Variants in SYT2 observed in about 807,000 individuals in gnomAD.
SYT2 encodes the protein synaptotagmin 2.
In SYT2, 15 loss-of-function variants were observed where a neutral mutation model predicts 39.9. The observed-to-expected ratio is 0.38, with a 90% CI of 0.25 to 0.58. The LOEUF (loss-of-function observed/expected upper bound fraction) is 0.58. Among genes scored for constraint, SYT2 ranks in the 20% least tolerant of loss-of-function variants. The pLI is 0.70. For missense variants in SYT2, 389 were observed against 530.3 expected, an observed-to-expected ratio of 0.73 and a Z score of 2.62; for synonymous variants, 181 against 204.5, an observed-to-expected ratio of 0.89 and a Z score of 0.98.
At chr1:202,655,059 A>T (rs1403415713) in intron 1 of SYT2, among the ~76,000 whole-genome samples, 1 of 152,168 alleles carries the variant, frequency 6.6e-6, no homozygotes, top group African/African-American at 2.4e-5. Flanking sequence ...ATAATTTCCT[A>T]GAGTCAGACC....
At chr1:202,682,203 G>C (rs1452136730) in intron 1 of SYT2, among the ~76,000 whole-genome samples, 1 of 152,204 alleles carries the variant, frequency 6.6e-6, no homozygotes, top group African/African-American at 2.4e-5. Context: ...GGCACACGGG[G>C]GTATTCAAGG....
At chr1:202,604,253 T>G (rs1287914474) in intron 3 of SYT2, 1 of 601,278 alleles carries the variant, frequency 1.7e-6, no homozygotes, top group Non-Finnish European at 3.0e-6. Context: ...GATGAGTTCA[T>G]GCTAACACAG....
At chr1:202,645,084 G>A (rs566653235) in intron 1 of SYT2, among the ~76,000 whole-genome samples, 5 of 152,322 alleles carry the variant, frequency 3.3e-5, no homozygotes, top group South Asian at 4.1e-4. Context: ...GTGGGCTGGG[G>A]GAGAGGACAC....
intron 1 of SYT2, among the ~76,000 whole-genome samples, chr1:202,654,695 T>C (rs765483825): frequency 6.6e-6 from 1 of 151,806 alleles, no homozygotes; most frequent in East Asian, 1.9e-4. Context: ...CACTATGGAG[T>C]GTGGGACGGT....
At chr1:202,676,187 C>T (rs1322375066) in intron 1 of SYT2, among the ~76,000 whole-genome samples, 1 of 152,186 alleles carries the variant, frequency 6.6e-6, no homozygotes, top group Non-Finnish European at 1.5e-5. Flanking sequence ...TCCCTTCCCC[C>T]CACCCAATTC....
At chr1:202,659,685 G>C (rs1425382645) in intron 1 of SYT2, among the ~76,000 whole-genome samples, 1 of 152,176 alleles carries the variant, frequency 6.6e-6, no homozygotes, top group African/African-American at 2.4e-5. Context: ...GACCTGGAGG[G>C]GCTGCGAGAG....
rs1371719401 is a variant in SYT2 at position 202,592,894 on chromosome 1, C to T, written c.*3863G>A. ...AATTATTTTTTAGTATATGTCCCAA[C>T]TATTTGCCTAGGACATATTTACACT... On this transcript the variant is annotated 3_prime_UTR_variant, in exon 9 of 9. Transcript: ENST00000367268. The T allele has an allele frequency of 6.6e-6, 1 of 152,212 alleles. No homozygotes were observed. Among genetic ancestry groups the T allele is most frequent in the Non-Finnish European group, 1.5e-5 (1 of 68,028 alleles). The allele number at this position is 152,212 out of a possible 1,614,324, so 9.4% of individuals were successfully genotyped here.
chr1:202,613,740 G>A (rs1369680408), intron 1 of SYT2, among the ~76,000 whole-genome samples: 4 of 152,094 alleles, frequency 2.6e-5, no homozygotes, highest in Non-Finnish European at 2.9e-5. Context: ...CCCCACAGCC[G>A]GTCCACGGTC....
rs1336728193 is a variant in SYT2, at chr1:202,705,721, C to A, written c.-18+4537G>T. On this transcript the variant is annotated intron_variant, in intron 1 of 8. Coordinates refer to ENST00000367268, the MANE Select transcript of SYT2 (RefSeq NM_177402.5). ...ACTGCTCATCTTGGATTTTGGGAGT[C>A]CTTTTTTTTTTTTTGAGACCGGATC... Among the ~76,000 whole-genome samples, 3 of 128,622 alleles carry A rather than the reference C, an allele frequency of 2.3e-5. 1 individual carries two copies. Among genetic ancestry groups the A allele is most frequent in the Non-Finnish European group, 5.1e-5 (3 of 58,528 alleles). 84.4% of individuals were successfully genotyped at this position (128,622 alleles called of 152,430 possible). A position where few individuals can be genotyped will look rare whatever the true frequency, so the allele number is the denominator to read the frequency against.
In SYT2 at chr1:202,601,972, T is replaced by C. The variant is rs774068990; in HGVS notation, c.719A>G (p.Glu240Gly). The part of the protein sequence containing the change: ...DRFSKHDIIG[E>G]VKVPMNTVDL... Reference sequence around the variant, plus strand: ...CACTGTGTTCATAGGCACCTTTACCTCTCCAATGATGTCATGTTTGGAGAA... The same window carrying C: ...CACTGTGTTCATAGGCACCTTTACCCCTCCAATGATGTCATGTTTGGAGAA... Residue 240 changes from glutamate to glycine, a missense_variant, in exon 6 of 9, where the codon GAG becomes GGG. Around this residue, in one of 4 missense-constraint regions of SYT2, gnomAD observed 280 missense variants for 335.6 expected, o/e 0.83. Transcript: ENST00000367268. The surrounding 1 kb of genome is among the most constrained non-coding windows in gnomAD (Gnocchi z 4.0). 1 of 1,614,104 alleles carries C rather than the reference T, an allele frequency of 6.2e-7. No individual in the cohort carries two copies. Among genetic ancestry groups the C allele is most frequent in the South Asian group, 1.1e-5 (1 of 91,078 alleles).
intron 1 of SYT2, among the ~76,000 whole-genome samples, chr1:202,656,153 T>C (rs143880832): frequency 6.6e-4 from 101 of 152,118 alleles, no homozygotes; most frequent in Admixed American, 4.8e-3. Context: ...CACGTGCACA[T>C]ATGCACACTT....
chr1:202,694,311 C>T (rs1366680488), intron 1 of SYT2, among the ~76,000 whole-genome samples: 2 of 152,238 alleles, frequency 1.3e-5, no homozygotes, highest in Admixed American at 1.3e-4. Context: ...CTGAAAGAAT[C>T]TAGAAGCTGC....
chr1:202,678,273 C>CAAAAAA (rs773123862), intron 1 of SYT2, among the ~76,000 whole-genome samples: 19 of 30,718 alleles, frequency 6.2e-4, no homozygotes, highest in African/African-American at 1.6e-3. Flanking sequence ...GACTCTGTCT[C>CAAAAAA]AAAAAAAAAA....
chr1:202,706,544 T>C (rs1359471524), intron 1 of SYT2, among the ~76,000 whole-genome samples: 14 of 152,124 alleles, frequency 9.2e-5, no homozygotes, highest in Admixed American at 8.5e-4. Context: ...ATGGCAAGAC[T>C]AAAAAACAGA....
chr1:202,688,379 G>C (rs975708302), intron 1 of SYT2, among the ~76,000 whole-genome samples: 8 of 152,186 alleles, frequency 5.3e-5, no homozygotes, highest in African/African-American at 7.2e-5. Context: ...CCCCGTGGGC[G>C]GCACAGTCGA....
chr1:202,615,988 C>T (rs1401409478), intron 1 of SYT2, among the ~76,000 whole-genome samples: 1 of 152,096 alleles, frequency 6.6e-6, no homozygotes, highest in African/African-American at 2.4e-5. Context: ...TGGCTACCCC[C>T]GACTGCTGAG....
chr1:202,623,946 C>A lies in SYT2; in HGVS notation c.-17-18157G>T, dbSNP rs1691271189. Among the ~76,000 whole-genome samples, 3 of 152,352 alleles carry A rather than the reference C, an allele frequency of 2.0e-5. No homozygotes were observed. Among genetic ancestry groups the A allele is most frequent in the Admixed American group, 2.0e-4 (3 of 15,312 alleles). ...GCACCTTCCAGCACAGTCCCGATAT[C>A]TTTCATGCCAGATGCACATCTTCAA... is the stretch of plus-strand genomic sequence containing the variant. On this transcript the variant is annotated intron_variant, in intron 1 of 8. Coordinates refer to ENST00000367268, the MANE Select transcript of SYT2 (RefSeq NM_177402.5). The surrounding 1 kb of genome is among the most constrained non-coding windows in gnomAD (Gnocchi z 4.2).
At chr1:202,644,573 T>TC (rs1692035565) in intron 1 of SYT2, among the ~76,000 whole-genome samples, 1 of 152,010 alleles carries the variant, frequency 6.6e-6, no homozygotes. Flanking sequence ...CCTCGCCCTC[T>TC]CCCCTCAGCC....
chr1:202,598,613 G>A (rs1690383643), intron 8 of SYT2, among the ~76,000 whole-genome samples: 2 of 119,396 alleles, frequency 1.7e-5, no homozygotes, highest in East Asian at 2.9e-4. Flanking sequence ...CCCCAGCTGC[G>A]CCTGACTTCC....
Sources: gnomAD v4.1 joint callset for allele counts (sites outside exome capture counted in the v4.1 genomes callset) on GRCh38, gnomAD v4.1.1 for gene constraint, gnomAD v4.1.1 regional missense constraint, Gnocchi (gnomAD v3.1) non-coding constraint, MANE v1.5 for transcripts, NCBI Gene and HGNC (gene_info 2026-07-23, HGNC 2026-07-21) for gene names.